AUTS2: variants seen among roughly 807,000 people sequenced by gnomAD.
AUTS2 encodes activator of transcription and developmental regulator AUTS2, also known as autism susceptibility gene 2 protein.
A neutral mutation model predicts 112.4 loss-of-function variants in AUTS2; 17 were observed. That is an observed-to-expected ratio of 0.15 (90% CI 0.10 to 0.23). The LOEUF is 0.23. Ranked by LOEUF, AUTS2 falls within the 10% of genes least tolerant of loss-of-function variation. AUTS2 has a pLI of 1.00. For missense variants in AUTS2, 1,510 were observed against 1,701.6 expected (o/e 0.89, Z 1.98); for synonymous variants, 751 against 702.7 (o/e 1.07, Z -1.09).
chr7:69,981,210 G>A (rs986217506), intron 2 of AUTS2, among the ~76,000 whole-genome samples: 6 of 152,122 alleles, frequency 3.9e-5, no homozygotes, highest in African/African-American at 9.7e-5. Context: ...TGTGGTACAC[G>A]GGTGTCTTAT....
At chr7:69,868,525 T>G (rs1444709518) in intron 1 of AUTS2, among the ~76,000 whole-genome samples, 1 of 152,200 alleles carries the variant, frequency 6.6e-6, no homozygotes, top group African/African-American at 2.4e-5. Flanking sequence ...CCAGGTTATA[T>G]GTGGAGTACA....
At chr7:70,097,667 A>G (rs539762279) in intron 2 of AUTS2, among the ~76,000 whole-genome samples, 2 of 152,232 alleles carry the variant, frequency 1.3e-5, no homozygotes, top group Non-Finnish European at 2.9e-5. Context: ...GATAATCAGT[A>G]GTCAAAAATG....
intron 2 of AUTS2, among the ~76,000 whole-genome samples, chr7:70,007,778 A>G (rs1235141898): frequency 2.0e-5 from 3 of 152,338 alleles, no homozygotes; most frequent in South Asian, 2.1e-4. Flanking sequence ...TTGCTCATCT[A>G]TGTTTAAAAG....
intron 4 of AUTS2, among the ~76,000 whole-genome samples, chr7:70,421,608 T>G (rs1022348719): frequency 2.0e-5 from 3 of 152,192 alleles, no homozygotes; most frequent in Non-Finnish European, 4.4e-5. Context: ...CATTTGAATT[T>G]GTCTTTTCTC....
intron 4 of AUTS2, among the ~76,000 whole-genome samples, chr7:70,351,788 G>A (rs1050329970): frequency 4.0e-5 from 6 of 149,806 alleles, no homozygotes; most frequent in Non-Finnish European, 7.4e-5. Context: ...TGCAAACTCC[G>A]CCTCCCAGGT....
At chr7:70,733,621 C>T (rs1422965680) in intron 6 of AUTS2, among the ~76,000 whole-genome samples, 3 of 142,148 alleles carry the variant, frequency 2.1e-5, no homozygotes, top group African/African-American at 7.9e-5. Flanking sequence ...GAGTCTCACT[C>T]TGTCACCCAG....
In AUTS2 at chr7:69,651,163, G is replaced by A. The variant is rs73439081; in HGVS notation, c.309+51201G>A. 5.8e-3 allele frequency among the ~76,000 whole-genome samples: 883 copies of A among 152,344 alleles called. 9 individuals are homozygous for A. The highest frequency in any genetic ancestry group is 0.02 in the African/African-American group (837 of 41,584). The stretch of plus-strand genomic sequence containing the variant: ...CGTGAGGACTGCCTGGGCGTGACTG[G>A]TCTGAGACAGTGTGAGGAACGGGGT... On this transcript the variant is annotated intron_variant, in intron 1 of 18. Transcript: ENST00000342771.
At chr7:70,429,771 AT>A (rs1302240697) in intron 4 of AUTS2, among the ~76,000 whole-genome samples, 2 of 152,214 alleles carry the variant, frequency 1.3e-5, no homozygotes, top group Non-Finnish European at 2.9e-5. Flanking sequence ...TTTTTCAAGA[AT>A]TTGACTTTTT....
In AUTS2 at chr7:70,766,046, C is replaced by T; in HGVS notation, c.1469-68C>T. The T allele has an allele frequency of 6.4e-7, 1 of 1,570,066 alleles. No homozygotes were observed. Among genetic ancestry groups the T allele is most frequent in the Non-Finnish European group, 8.7e-7 (1 of 1,155,072 alleles). On this transcript the variant is annotated intron_variant, in intron 8 of 18. Transcript: ENST00000342771. This position sits in a 1 kb window ranked among gnomAD's most constrained non-coding sequence, Gnocchi z 4.8. Reference sequence around the variant, plus strand: ...GTGTCACCAGCCCCGTACCCCTCCACAGGAAGGCAGTCCGATGTCCTTTTC... The same window carrying T: ...GTGTCACCAGCCCCGTACCCCTCCATAGGAAGGCAGTCCGATGTCCTTTTC...
chr7:70,378,713 G>T (rs1453251878), intron 4 of AUTS2, among the ~76,000 whole-genome samples: 1 of 152,164 alleles, frequency 6.6e-6, no homozygotes, highest in Non-Finnish European at 1.5e-5. Flanking sequence ...TCCCAGCATG[G>T]TTAGCAGAAG....
intron 6 of AUTS2, among the ~76,000 whole-genome samples, chr7:70,714,437 C>T (rs1468543786): frequency 6.6e-6 from 1 of 152,118 alleles, no homozygotes; most frequent in Non-Finnish European, 1.5e-5. Context: ...CTTACAAAAT[C>T]ACATGTTGTT....
At position 70,095,971 on chromosome 7, in the gene AUTS2, A is replaced by G. The variant is rs116280356; in HGVS notation, c.523-22161A>G. On this transcript the variant is annotated intron_variant, in intron 2 of 18. Coordinates refer to ENST00000342771, the MANE Select transcript of AUTS2 (RefSeq NM_015570.4). The stretch of plus-strand genomic sequence containing the variant: ...AGAGCATTCTGTTATATACTTGTAT[A>G]TAAACCCTATTGTATCTACTAAGGA... Among the ~76,000 whole-genome samples, 442 of 152,318 alleles carry G rather than the reference A, an allele frequency of 2.9e-3. 4 individuals are homozygous for G. Among genetic ancestry groups the G allele is most frequent in the African/African-American group, 0.01 (428 of 41,574 alleles).
chr7:70,156,251 A>G (rs1048917024), intron 4 of AUTS2, among the ~76,000 whole-genome samples: 1 of 152,204 alleles, frequency 6.6e-6, no homozygotes, highest in African/African-American at 2.4e-5. Flanking sequence ...CAATGCCAGT[A>G]AGAGCTAAGT....
chr7:70,175,273 G>T (rs1279034530), intron 4 of AUTS2, among the ~76,000 whole-genome samples: 1 of 152,168 alleles, frequency 6.6e-6, no homozygotes, highest in Non-Finnish European at 1.5e-5. Context: ...CTGAATTTCT[G>T]CAATCTCATC....
intron 1 of AUTS2, among the ~76,000 whole-genome samples, chr7:69,745,693 G>A (rs1370232509): frequency 6.6e-6 from 1 of 152,082 alleles, no homozygotes; most frequent in Non-Finnish European, 1.5e-5. Context: ...CTGTAAATTA[G>A]AAATTACATT....
intron 5 of AUTS2, among the ~76,000 whole-genome samples, chr7:70,502,552 G>A (rs1438287854): frequency 6.6e-6 from 1 of 152,164 alleles, no homozygotes; most frequent in Non-Finnish European, 1.5e-5. Context: ...AGTGGTGCTT[G>A]TAGAACTTAG....
At chr7:70,514,536 C>T (rs760752222) in intron 5 of AUTS2, among the ~76,000 whole-genome samples, 8 of 152,216 alleles carry the variant, frequency 5.3e-5, no homozygotes, top group African/African-American at 1.4e-4. Flanking sequence ...GAACTAAGAG[C>T]GAGAACTCAT....
intron 6 of AUTS2, among the ~76,000 whole-genome samples, chr7:70,755,440 G>T (rs1789138169): frequency 6.6e-6 from 1 of 152,110 alleles, no homozygotes; most frequent in Non-Finnish European, 1.5e-5. Context: ...CGAGGCGGGG[G>T]TGGATCACTT....
At chr7:69,888,223 C>T (rs1794360283) in intron 1 of AUTS2, among the ~76,000 whole-genome samples, 1 of 151,854 alleles carries the variant, frequency 6.6e-6, no homozygotes, top group Middle Eastern at 3.4e-3. Context: ...TTATTTCACT[C>T]ATGGTTCTGC....
Sources: gnomAD v4.1 joint callset for allele counts (sites outside exome capture counted in the v4.1 genomes callset) on GRCh38, gnomAD v4.1.1 for gene constraint, Gnocchi (gnomAD v3.1) non-coding constraint, MANE v1.5 for transcripts, NCBI Gene and HGNC (gene_info 2026-07-23, HGNC 2026-07-21) for gene names.